The following FNIP1 variants were observed in gnomAD, a reference collection of about 807,000 sequenced individuals.
FNIP1 encodes folliculin interacting protein 1, also known as folliculin-interacting protein 1.
A neutral mutation model predicts 124.5 loss-of-function variants in FNIP1; 40 were observed. The observed-to-expected ratio is 0.32, with a 90% CI of 0.25 to 0.42. FNIP1 has a LOEUF of 0.42. Ranked by LOEUF, FNIP1 falls within the 10% of genes least tolerant of loss-of-function variation. FNIP1 has a pLI of 1.00. For synonymous variants in FNIP1, 472 were observed against 470.6 expected (o/e 1.00, Z -0.04); for missense variants, 1,176 against 1,403.7 (o/e 0.84, Z 2.59).
At position 131,725,509 on chromosome 5, in the gene FNIP1, G is replaced by A. The variant is rs542364741; in HGVS notation, c.354+5395C>T. On this transcript the variant is annotated intron_variant, in intron 3 of 17. Coordinates refer to ENST00000510461, the MANE Select transcript of FNIP1 (RefSeq NM_133372.3). ...CGATTTGGCTGTTTGTCTATTACTGGTGTATAGGAATGCTTGTGATTTTTG... is the reference window on the plus strand; with the variant it reads ...CGATTTGGCTGTTTGTCTATTACTGATGTATAGGAATGCTTGTGATTTTTG... 3.3e-5 allele frequency among the ~76,000 whole-genome samples: 5 copies of A among 152,242 alleles called. No individual in the cohort carries two copies. The South Asian group carries it at 1.0e-3, about 32-fold the overall frequency.
intron 4 of FNIP1, 97 bp from the exon 5 acceptor site, chr5:131,719,157 A>G: frequency 1.6e-6 from 2 of 1,248,206 alleles, no homozygotes; most frequent in Non-Finnish European, 2.3e-6. Context: ...GAGGTTTCAC[A>G]GCATAGCTGC....
At chr5:131,696,425 G>A (rs1411638417) in intron 11 of FNIP1, among the ~76,000 whole-genome samples, 1 of 152,016 alleles carries the variant, frequency 6.6e-6, no homozygotes. Flanking sequence ...GATATAAAGA[G>A]TGAAGATGCC....
intron 1 of FNIP1, among the ~76,000 whole-genome samples, chr5:131,789,744 C>T (rs1192473753): frequency 6.6e-6 from 1 of 152,224 alleles, no homozygotes; most frequent in African/African-American, 2.4e-5. Context: ...CTTTTCTTGG[C>T]TTCCCTAACA....
chr5:131,693,883 A>T (rs540285791), intron 11 of FNIP1, among the ~76,000 whole-genome samples: 1 of 152,300 alleles, frequency 6.6e-6, no homozygotes, highest in South Asian at 2.1e-4. Flanking sequence ...CTCAACAATA[A>T]GAAAAAAAAG....
At chr5:131,687,187 C>T (rs1768309188) in intron 11 of FNIP1, among the ~76,000 whole-genome samples, 1 of 151,136 alleles carries the variant, frequency 6.6e-6, no homozygotes, top group South Asian at 2.1e-4. Flanking sequence ...CTCACTGTAA[C>T]CTCTGAATCC....
intron 2 of FNIP1, among the ~76,000 whole-genome samples, chr5:131,737,897 C>T (rs1770368080): frequency 6.6e-6 from 1 of 152,128 alleles, no homozygotes; most frequent in Admixed American, 6.5e-5. Flanking sequence ...CAGCGGTTGC[C>T]AACCTTTTTG....
chr5:131,757,532 A>C (rs547332583), intron 1 of FNIP1, among the ~76,000 whole-genome samples: 2 of 152,116 alleles, frequency 1.3e-5, no homozygotes, highest in Non-Finnish European at 2.9e-5. Context: ...TTTCCAGGCA[A>C]TAGTGACAGG....
At chr5:131,653,906 T>C (rs959076210) in intron 15 of FNIP1, among the ~76,000 whole-genome samples, 17 of 152,156 alleles carry the variant, frequency 1.1e-4, no homozygotes, top group South Asian at 6.2e-4. Flanking sequence ...CACGCCCGGC[T>C]AATTTTTGTA....
intron 1 of FNIP1, among the ~76,000 whole-genome samples, chr5:131,753,351 A>T (rs2108871): frequency 6.6e-6 from 1 of 152,058 alleles, no homozygotes; most frequent in South Asian, 2.1e-4. Flanking sequence ...TTTTATTTAA[A>T]CCCAAATGCC....
At chr5:131,676,295 G>T (rs1205617509) in intron 13 of FNIP1, among the ~76,000 whole-genome samples, 4 of 152,132 alleles carry the variant, frequency 2.6e-5, no homozygotes. Flanking sequence ...TTACAGGCGT[G>T]AGCCACTGCA....
chr5:131,796,830 C>G lies in FNIP1; in HGVS notation c.92G>C (p.Ser31Thr). Residue 31 changes from serine (S) to threonine (T), a missense_variant and splice_region_variant, in exon 1 of 18, where the codon AGT becomes ACT. Ser to Thr is a moderately conservative substitution (Grantham distance 58, BLOSUM62 1). Around this residue, in one of 2 missense-constraint regions of FNIP1, gnomAD observed 1,109 missense variants for 1,288.5 expected, o/e 0.86. Coordinates refer to ENST00000510461, the MANE Select transcript of FNIP1 (RefSeq NM_133372.3). The part of the protein sequence containing the change: ...RDARDPDCGF[S>T]WPLPEFDPSQ... ...CGACCCCCGCCCCACAGCGCCCTAC[C>G]TGAACCCGCAATCTGGGTCCCGGGC... 4 of 1,583,680 alleles carry G rather than the reference C, an allele frequency of 2.5e-6. No individual in the cohort carries two copies. The highest frequency in any genetic ancestry group is 3.4e-6 in the Non-Finnish European group (4 of 1,165,522).
intron 5 of FNIP1, among the ~76,000 whole-genome samples, chr5:131,717,904 G>A (rs1347883394): frequency 2.0e-5 from 3 of 151,900 alleles, no homozygotes; most frequent in Admixed American, 6.6e-5. Flanking sequence ...CCCCATGGCC[G>A]GGCATGGTGG....
chr5:131,773,548 C>T (rs1174626649), intron 1 of FNIP1, among the ~76,000 whole-genome samples: 2 of 152,284 alleles, frequency 1.3e-5, no homozygotes, highest in East Asian at 1.9e-4. Context: ...GTTCCTATAA[C>T]TTTGATCACC....
In FNIP1 at chr5:131,745,626, C is replaced by CAT. The variant is rs1770653009; in HGVS notation, c.93-938_93-937dup. Among the ~76,000 whole-genome samples, 5 of 151,856 alleles carry CAT rather than the reference C, an allele frequency of 3.3e-5. 1 individual carries two copies. The highest frequency in any genetic ancestry group is 3.3e-4 in the Admixed American group (5 of 15,238). On this transcript the variant is annotated intron_variant, in intron 1 of 17. Coordinates refer to ENST00000510461, the MANE Select transcript of FNIP1 (RefSeq NM_133372.3). ...ATGTGTATATATATGTGTGTGTATACATACACACACACATACACTAAAACA... is the reference window on the plus strand; with the variant it reads ...ATGTGTATATATATGTGTGTGTATACATATACACACACACATACACTAAAACA...
At chr5:131,785,008 CTATATATATGATATATATGACA>C (rs1772119901) in intron 1 of FNIP1, among the ~76,000 whole-genome samples, 1 of 13,748 alleles carries the variant, frequency 7.3e-5, no homozygotes, top group Non-Finnish European at 3.4e-4. Flanking sequence ...ATATATATGA[CTATATATATGATATATATGACA>C]TATATATGAT....
At chr5:131,715,077 G>C (rs1302375944) in intron 6 of FNIP1, among the ~76,000 whole-genome samples, 1 of 152,190 alleles carries the variant, frequency 6.6e-6, no homozygotes, top group Non-Finnish European at 1.5e-5. Flanking sequence ...ATTATTTAAA[G>C]TCAGTAGTAT....
At chr5:131,782,209 C>T (rs2149584691) in intron 1 of FNIP1, among the ~76,000 whole-genome samples, 1 of 152,022 alleles carries the variant, frequency 6.6e-6, no homozygotes, top group African/African-American at 2.4e-5. Context: ...GCTATAGCTG[C>T]CATAAATAAG....
At chr5:131,702,283 CCT>C (rs1013271694) in intron 10 of FNIP1, among the ~76,000 whole-genome samples, 10 of 152,258 alleles carry the variant, frequency 6.6e-5, no homozygotes, top group African/African-American at 2.2e-4. Flanking sequence ...CTCAAGCACC[CCT>C]CCCACCTCGG....
intron 1 of FNIP1, among the ~76,000 whole-genome samples, chr5:131,753,209 G>C (rs1770940317): frequency 6.6e-6 from 1 of 152,194 alleles, no homozygotes; most frequent in Admixed American, 6.5e-5. Context: ...GTTAGTAGGA[G>C]TGTAAAAGTG....
Sources: gnomAD v4.1 joint callset for allele counts (sites outside exome capture counted in the v4.1 genomes callset) on GRCh38, gnomAD v4.1.1 for gene constraint, gnomAD v4.1.1 regional missense constraint, MANE v1.5 for transcripts, NCBI Gene and HGNC (gene_info 2026-07-23, HGNC 2026-07-21) for gene names.